The following DAB1 variants were observed in gnomAD, a reference collection of about 807,000 sequenced individuals.
DAB1 encodes DAB adaptor protein 1.
DAB1 carries 15 observed loss-of-function variants against 64.6 expected under a neutral mutation model. The ratio of observed to expected loss-of-function variants is 0.23; its 90% CI spans 0.16 to 0.36. The LOEUF (loss-of-function observed/expected upper bound fraction) is 0.36, where lower values mean the gene tolerates loss of function less well. Among genes scored for constraint, DAB1 ranks in the 10% least tolerant of loss-of-function variants. DAB1 has a pLI of 1.00. For missense variants in DAB1, 596 were observed against 706.7 expected, an observed-to-expected ratio of 0.84 and a Z score of 1.78; for synonymous variants, 235 against 251.9, an observed-to-expected ratio of 0.93 and a Z score of 0.64.
chr1:57,408,783 C>T (rs969127924), intron 1 of DAB1, among the ~76,000 whole-genome samples: 5 of 152,254 alleles, frequency 3.3e-5, no homozygotes, highest in African/African-American at 1.2e-4. Flanking sequence ...TTTATTTTCC[C>T]GCTCTATGAA....
intron 7 of DAB1, among the ~76,000 whole-genome samples, chr1:57,447,652 T>C (rs1442778163): frequency 6.6e-6 from 1 of 152,214 alleles, no homozygotes. Flanking sequence ...ACCATGCCTT[T>C]GTTTCAAATC....
intron 1 of DAB1, among the ~76,000 whole-genome samples, chr1:57,381,551 A>T (rs927788005): frequency 6.6e-6 from 1 of 152,012 alleles, no homozygotes; most frequent in African/African-American, 2.4e-5. Context: ...TTTCATATGG[A>T]TGATCTCTAT....
At chr1:58,114,639 T>C (rs1038067190) in intron 5 of DAB1, among the ~76,000 whole-genome samples, 1 of 152,148 alleles carries the variant, frequency 6.6e-6, no homozygotes, top group Admixed American at 6.5e-5. Context: ...CAAAGTAGAG[T>C]AACTGCAACA....
chr1:58,205,243 A>AT (rs146540774), intron 4 of DAB1, among the ~76,000 whole-genome samples: 1 of 151,832 alleles, frequency 6.6e-6, no homozygotes, highest in Non-Finnish European at 1.5e-5. Context: ...GGCAAGACTT[A>AT]TTTTTTTTCT....
intron 5 of DAB1, among the ~76,000 whole-genome samples, chr1:57,890,200 C>T (rs1486366537): frequency 6.6e-6 from 1 of 152,000 alleles, no homozygotes; most frequent in Non-Finnish European, 1.5e-5. Flanking sequence ...AGTGTGGAAA[C>T]GAGAGTTTGG....
At chr1:57,744,927 G>A (rs983150209) in intron 6 of DAB1, among the ~76,000 whole-genome samples, 9 of 152,116 alleles carry the variant, frequency 5.9e-5, no homozygotes, top group African/African-American at 2.2e-4. Flanking sequence ...ACACAGTTTG[G>A]AAAACTGTGT....
At position 57,905,754 on chromosome 1, in the gene DAB1, GAGA is replaced by G. The variant is rs928109373; in HGVS notation, n.388-21595_388-21593del. Among the ~76,000 whole-genome samples, 8 of 152,204 alleles carry G rather than the reference GAGA, an allele frequency of 5.3e-5. No homozygotes were observed. In the East Asian group the frequency reaches 1.4e-3, roughly 26 times the overall value. ...TGGGGCTCACTAACATACAGAGATTGAGAAGAAGAAGAGAAACCAGCAAAAGAC... is the reference window on the plus strand; with the variant it reads ...TGGGGCTCACTAACATACAGAGATTGAGAAGAAGAGAAACCAGCAAAAGAC... On this transcript the variant is annotated intron_variant and non_coding_transcript_variant, in intron 5 of 20. Coordinates refer to the DAB1 transcript ENST00000485760.
chr1:57,426,565 C>T (rs1288395438), upstream of DAB1, among the ~76,000 whole-genome samples: 3 of 151,758 alleles, frequency 2.0e-5, no homozygotes, highest in Non-Finnish European at 2.9e-5. Context: ...TCTCAGTGAA[C>T]GTTTCTTTAT....
intron 2 of DAB1, among the ~76,000 whole-genome samples, chr1:57,233,230 T>A (rs538229222): frequency 1.4e-5 from 2 of 147,700 alleles, no homozygotes; most frequent in East Asian, 4.1e-4. Context: ...ATCTCAGCAA[T>A]GCAGCTTCAA....
chr1:57,275,900 G>A (rs1160089422), intron 2 of DAB1, among the ~76,000 whole-genome samples: 2 of 152,220 alleles, frequency 1.3e-5, no homozygotes, highest in African/African-American at 4.8e-5. Context: ...GCTAAAAGCA[G>A]TTCTGTAACA....
chr1:57,316,362 T>C (rs1428476751), intron 1 of DAB1, among the ~76,000 whole-genome samples: 1 of 152,194 alleles, frequency 6.6e-6, no homozygotes, highest in African/African-American at 2.4e-5. Flanking sequence ...TTTGCAGCAC[T>C]TGTTCTAAAT....
At chr1:58,498,667 T>A (rs1269607239) in intron 3 of DAB1, among the ~76,000 whole-genome samples, 1 of 152,352 alleles carries the variant, frequency 6.6e-6, no homozygotes, top group East Asian at 1.9e-4. Context: ...CCTTCTTGCC[T>A]ATATAACTAT....
intron 1 of DAB1, among the ~76,000 whole-genome samples, chr1:57,844,439 AGTGTAAAT>A (rs1653188087): frequency 6.6e-6 from 1 of 152,210 alleles, no homozygotes; most frequent in Non-Finnish European, 1.5e-5. Context: ...CAGGGGCTGC[AGTGTAAAT>A]GGCAGCTGCC....
At chr1:58,064,331 G>C (rs1324776910) in intron 5 of DAB1, among the ~76,000 whole-genome samples, 1 of 152,168 alleles carries the variant, frequency 6.6e-6, no homozygotes, top group Non-Finnish European at 1.5e-5. Flanking sequence ...CACCAGATCT[G>C]GAAGCACCTT....
chr1:57,006,467 C>T (rs1356435667), intron 14 of DAB1, among the ~76,000 whole-genome samples: 1 of 152,204 alleles, frequency 6.6e-6, no homozygotes, highest in South Asian at 2.1e-4. Flanking sequence ...CATGTCTCTT[C>T]GGTCTTAACC....
At chr1:57,642,605 T>G (rs561935435) in intron 7 of DAB1, among the ~76,000 whole-genome samples, 1 of 152,164 alleles carries the variant, frequency 6.6e-6, no homozygotes, top group Non-Finnish European at 1.5e-5. Flanking sequence ...TCCCCAACGC[T>G]AAAAATAAAA....
intron 4 of DAB1, among the ~76,000 whole-genome samples, chr1:58,242,888 C>T (rs770209835): frequency 6.6e-6 from 1 of 150,638 alleles, no homozygotes; most frequent in African/African-American, 2.4e-5. Context: ...TATGGAGAAG[C>T]AGGAAAAAAA....
At chr1:57,453,084 G>T (rs1190440134) in intron 7 of DAB1, among the ~76,000 whole-genome samples, 1 of 152,112 alleles carries the variant, frequency 6.6e-6, no homozygotes, top group Non-Finnish European at 1.5e-5. Context: ...ACATGGGAAA[G>T]GGGTAGAAAG....
chr1:58,021,538 A>G (rs770230572), intron 5 of DAB1, among the ~76,000 whole-genome samples: 2 of 152,216 alleles, frequency 1.3e-5, no homozygotes, highest in African/African-American at 2.4e-5. Context: ...GGGAATTCCT[A>G]CTAATAAGAA....
Sources: allele counts gnomAD v4.1 joint callset (sites outside exome capture counted in the v4.1 genomes callset), GRCh38; gene constraint gnomAD v4.1.1; transcripts MANE v1.5; gene names NCBI Gene and HGNC (gene_info 2026-07-23, HGNC 2026-07-21).